TYR: variants seen among roughly 807,000 people sequenced by gnomAD.
The protein encoded by TYR is tyrosinase.
In TYR, 58 loss-of-function variants were observed where a neutral mutation model predicts 51.5. The ratio of observed to expected loss-of-function variants is 1.13; its 90% confidence interval spans 0.91 to 1.40. The LOEUF (loss-of-function observed/expected upper bound fraction) is 1.40. TYR is among the 40% of genes most tolerant of loss of function. TYR has a pLI of 0.00. For missense variants in TYR, 732 were observed against 647.4 expected (o/e 1.13, Z -1.42); for synonymous variants, 263 against 235.2 (o/e 1.12, Z -1.08).
intron 3 of TYR, among the ~76,000 whole-genome samples, chr11:89,271,723 G>T (rs1944590710): frequency 6.6e-6 from 1 of 151,844 alleles, no homozygotes; most frequent in Non-Finnish European, 1.5e-5. Flanking sequence ...ATAGCATTTT[G>T]CCTACAGTAG....
rs150325514 is a variant in TYR at position 89,244,964 on chromosome 11, A to G, written c.1184+16994A>G. Among the ~76,000 whole-genome samples the G allele has an allele frequency of 9.3e-3, 1,418 of 152,328 alleles. 17 individuals carry two copies. Among genetic ancestry groups the G allele is most frequent in the African/African-American group, 0.033 (1,372 of 41,576 alleles). ...ATAGGACAGGATATTTGGAAGTGAG[A>G]AAAAGAGCACCAAAGAACGGGGACC... On this transcript the variant is annotated intron_variant, in intron 3 of 4. Coordinates refer to ENST00000263321, the MANE Select transcript of TYR (RefSeq NM_000372.5).
intron 3 of TYR, among the ~76,000 whole-genome samples, chr11:89,262,846 CCAAAAAAAAAAAAAA>C: frequency 2.9e-5 from 1 of 34,210 alleles, no homozygotes. Context: ...AGCTACTCAT[CCAAAAAAAAAAAAAA>C]AAAAAAAAAA....
At chr11:89,226,290 T>A (rs1943975696) in intron 2 of TYR, among the ~76,000 whole-genome samples, 1 of 152,134 alleles carries the variant, frequency 6.6e-6, no homozygotes, top group Non-Finnish European at 1.5e-5. Flanking sequence ...CTTAGACAAG[T>A]TCTTTGTCCC....
intron 3 of TYR, among the ~76,000 whole-genome samples, chr11:89,272,334 G>A (rs1339908558): frequency 6.6e-6 from 1 of 151,666 alleles, no homozygotes; most frequent in East Asian, 1.9e-4. Context: ...ATCTCCTTGT[G>A]TATCTCCATC....
At chr11:89,213,986 A>G (rs1943797384) in intron 2 of TYR, among the ~76,000 whole-genome samples, 1 of 152,240 alleles carries the variant, frequency 6.6e-6, no homozygotes, top group South Asian at 2.1e-4. Flanking sequence ...AACCATAAAA[A>G]CCCTGGAAGA....
chr11:89,284,047 T>C (rs1333677513), intron 3 of TYR: 1 of 151,870 alleles, frequency 6.6e-6, no homozygotes, highest in Admixed American at 6.6e-5. Flanking sequence ...TGCTGGTACA[T>C]CTGGCTTTGC....
intron 3 of TYR, among the ~76,000 whole-genome samples, chr11:89,258,554 A>G (rs537769556): frequency 6.6e-6 from 1 of 152,198 alleles, no homozygotes; most frequent in South Asian, 2.1e-4. Context: ...ATTTATGATC[A>G]TCTTCTTTGA....
At chr11:89,295,035 G>A (rs1314244134) in intron 4 of TYR, 108 bp from the exon 5 acceptor site, 13 of 1,533,472 alleles carry the variant, frequency 8.5e-6, no homozygotes, top group Non-Finnish European at 9.7e-6. Context: ...AGTAGAGCTG[G>A]CCTTCAAACC....
chr11:89,197,454 C>A (rs1943535822), intron 2 of TYR, among the ~76,000 whole-genome samples: 1 of 152,208 alleles, frequency 6.6e-6, no homozygotes, highest in Admixed American at 6.6e-5. Flanking sequence ...ACCATAAAAA[C>A]CCAATGTTTA....
At chr11:89,184,257 A>G (rs1010921317) in intron 1 of TYR, among the ~76,000 whole-genome samples, 4 of 152,140 alleles carry the variant, frequency 2.6e-5, no homozygotes, top group African/African-American at 9.6e-5. Flanking sequence ...AGTTTCATTC[A>G]AGCCTCTCTA....
chr11:89,234,365 A>G lies in TYR; in HGVS notation c.1184+6395A>G, dbSNP rs111891243. 7.0e-5 allele frequency among the ~76,000 whole-genome samples: 10 copies of G among 143,808 alleles called. 1 individual carries two copies. Among genetic ancestry groups the G allele is most frequent in the Non-Finnish European group, 1.3e-4 (9 of 66,734 alleles). The allele number at this position is 143,808 out of a possible 152,430, so 94.3% of individuals were successfully genotyped here. A position where few individuals can be genotyped will look rare whatever the true frequency, so the allele number is the denominator to read the frequency against. ...AGACCACTAAAATTTTCTTCATATC[A>G]GCAGTAAGACTGTTTTTCTTTCTTA... On this transcript the variant is annotated intron_variant, in intron 3 of 4. Transcript: ENST00000263321.
At chr11:89,194,088 A>T (rs1484437057) in intron 2 of TYR, among the ~76,000 whole-genome samples, 4 of 152,186 alleles carry the variant, frequency 2.6e-5, no homozygotes, top group African/African-American at 9.6e-5. Flanking sequence ...TAATATCCTC[A>T]GTATTTTTCC....
intron 3 of TYR, among the ~76,000 whole-genome samples, chr11:89,257,924 T>C (rs1944413129): frequency 6.6e-6 from 1 of 152,056 alleles, no homozygotes; most frequent in Non-Finnish European, 1.5e-5. Context: ...TTCATGCATA[T>C]AGTCTTTCCT....
chr11:89,227,494 T>C (rs1943991390), intron 2 of TYR, among the ~76,000 whole-genome samples: 1 of 152,168 alleles, frequency 6.6e-6, no homozygotes, highest in African/African-American at 2.4e-5. Context: ...AAGTGACTGC[T>C]GGTTATTATA....
At chr11:89,205,400 A>G (rs1015157500) in intron 2 of TYR, among the ~76,000 whole-genome samples, 13 of 152,184 alleles carry the variant, frequency 8.5e-5, no homozygotes, top group South Asian at 2.1e-4. Flanking sequence ...AAATTAAAGA[A>G]TCAGAGTTAA....
At chr11:89,180,510 CTT>C (rs1420523326) in intron 1 of TYR, among the ~76,000 whole-genome samples, 1 of 151,638 alleles carries the variant, frequency 6.6e-6, no homozygotes, top group Non-Finnish European at 1.5e-5. Flanking sequence ...GAACTTTTTC[CTT>C]TTTCTCTCTT....
chr11:89,291,287 A>G (rs4121403), intron 4 of TYR, among the ~76,000 whole-genome samples: 38,149 of 151,786 alleles, frequency 0.25, 5,159 homozygotes, highest in Non-Finnish European at 0.31. Context: ...TCAAGGAGCC[A>G]TTTTAATAGA....
chr11:89,208,763 G>A (rs965373918), intron 2 of TYR, among the ~76,000 whole-genome samples: 1 of 152,092 alleles, frequency 6.6e-6, no homozygotes, highest in African/African-American at 2.4e-5. Flanking sequence ...AATGATCTTT[G>A]TAATCATTCT....
chr11:89,209,711 C>T (rs1270570191), intron 2 of TYR, among the ~76,000 whole-genome samples: 3 of 152,200 alleles, frequency 2.0e-5, no homozygotes, highest in Middle Eastern at 3.4e-3. Context: ...CCAGTAGAGG[C>T]CGACAGCTGC....
Sources: gnomAD v4.1 joint callset for allele counts (sites outside exome capture counted in the v4.1 genomes callset) on GRCh38, gnomAD v4.1.1 for gene constraint, MANE v1.5 for transcripts, NCBI Gene and HGNC (gene_info 2026-07-23, HGNC 2026-07-21) for gene names.